The following ACKR2 variants were observed in gnomAD, a reference collection of about 807,000 sequenced individuals.
The protein encoded by ACKR2 is C-C chemokine receptor D6.
For synonymous variants in ACKR2, 207 were observed against 192.2 expected (o/e 1.08, Z -0.64); for missense variants, 457 against 477.3 (o/e 0.96, Z 0.40).
intron 2 of ACKR2, among the ~76,000 whole-genome samples, chr3:42,831,355 C>T (rs1700930002): frequency 6.6e-6 from 1 of 152,232 alleles, no homozygotes; most frequent in Non-Finnish European, 1.5e-5. Context: ...TAATGCCTGC[C>T]TGTTTCAAAT....
chr3:42,830,732 A>G (rs1003804834), intron 2 of ACKR2, among the ~76,000 whole-genome samples: 2 of 151,554 alleles, frequency 1.3e-5, no homozygotes, highest in Non-Finnish European at 2.9e-5. Flanking sequence ...GCTTCAGGCA[A>G]GCATCAGAAA....
chr3:42,817,953 TTGG>T (rs1183050957), intron 1 of ACKR2, among the ~76,000 whole-genome samples: 4 of 152,200 alleles, frequency 2.6e-5, no homozygotes, highest in African/African-American at 9.7e-5. Flanking sequence ...CCCTTAAATA[TTGG>T]TGTGCTCTAG....
At chr3:42,841,762 A>C (rs1701041419) in intron 2 of ACKR2, 1 of 152,284 alleles carries the variant, frequency 6.6e-6, no homozygotes, top group African/African-American at 2.4e-5. Flanking sequence ...TGAATTAAAC[A>C]GGCAAGAAGT....
intron 2 of ACKR2, among the ~76,000 whole-genome samples, chr3:42,820,244 C>G (rs889119632): frequency 6.6e-6 from 1 of 152,082 alleles, no homozygotes; most frequent in African/African-American, 2.4e-5. Flanking sequence ...GATACTTCAC[C>G]CAAATTGGTT....
intron 2 of ACKR2, among the ~76,000 whole-genome samples, chr3:42,847,656 C>T (rs1701111838): frequency 6.7e-6 from 1 of 149,110 alleles, no homozygotes; most frequent in African/African-American, 2.5e-5. Context: ...AGGGCTCTCC[C>T]ATCAAAAACC....
chr3:42,825,734 T>C (rs1259347543), intron 2 of ACKR2, among the ~76,000 whole-genome samples: 1 of 152,002 alleles, frequency 6.6e-6, no homozygotes, highest in African/African-American at 2.4e-5. Flanking sequence ...TGACTAGAAA[T>C]GCCAGTACAA....
At chr3:42,813,047 T>C (rs1411008846) in intron 1 of ACKR2, among the ~76,000 whole-genome samples, 2 of 152,204 alleles carry the variant, frequency 1.3e-5, no homozygotes, top group African/African-American at 2.4e-5. Flanking sequence ...TAGACAGTTA[T>C]GTTAATGTGA....
chr3:42,865,194 C>A lies in ACKR2; in HGVS notation c.692C>A (p.Ser231Tyr). The change falls in exon 3 of 3, where the codon TCC (serine) becomes TAC (tyrosine). Residue 231 changes from serine to tyrosine, a missense_variant. Physicochemically the swap from Ser to Tyr is moderately radical, Grantham distance 144. Coordinates refer to ENST00000422265, the MANE Select transcript of ACKR2 (RefSeq NM_001296.5). ...LPLLAMIFFY[S>Y]RIGCVLVRLR... The stretch of plus-strand genomic sequence containing the variant: ...CTCCTTGCCATGATCTTCTTCTACT[C>A]CCGTATTGGTTGTGTCTTGGTGAGG... The A allele has an allele frequency of 6.2e-7, 1 of 1,614,190 alleles. No individual in the cohort carries two copies. Among genetic ancestry groups the A allele is most frequent in the South Asian group, 1.1e-5 (1 of 91,082 alleles).
Position 42,824,663 on chromosome 3 carries a change from A to G in ACKR2, c.-38+4952A>G, listed in dbSNP as rs1412172831. On this transcript the variant is annotated intron_variant, in intron 2 of 2. Transcript: ENST00000422265. The stretch of plus-strand genomic sequence containing the variant: ...AAGGTTCATCCATGTCATAGCATGT[A>G]TCGATACTTTATTCCTTTTAAATGG... Among the ~76,000 whole-genome samples, 4 of 152,216 alleles carry G rather than the reference A, an allele frequency of 2.6e-5. No homozygotes were observed. In the East Asian group the frequency reaches 7.7e-4, roughly 29 times the overall value.
intron 2 of ACKR2, among the ~76,000 whole-genome samples, chr3:42,831,098 G>A (rs7433284): frequency 0.33 from 50,006 of 151,960 alleles, 9,782 homozygotes; most frequent in East Asian, 0.62. Flanking sequence ...GCCAGATGGA[G>A]CCAGAGATTT....
At chr3:42,830,542 G>T (rs1195722857) in intron 2 of ACKR2, among the ~76,000 whole-genome samples, 1 of 152,114 alleles carries the variant, frequency 6.6e-6, no homozygotes, top group Non-Finnish European at 1.5e-5. Context: ...ACAAGATATG[G>T]AGCAATAGTG....
rs1575373372 is a variant in ACKR2, at chr3:42,816,190, G to A, written c.-118-3441G>A. On this transcript the variant is annotated intron_variant, in intron 1 of 2. Transcript: ENST00000422265. ...ACCTATAAACACAATTGATAGTTTCGTGTGTGTGTGTGTGTGTGTGTGTGT... is the reference window on the plus strand; with the variant it reads ...ACCTATAAACACAATTGATAGTTTCATGTGTGTGTGTGTGTGTGTGTGTGT... Among the ~76,000 whole-genome samples, 3 of 6,814 alleles carry A rather than the reference G, an allele frequency of 4.4e-4. No homozygotes were observed. In the South Asian group the frequency reaches 0.019, roughly 43 times the overall value. The allele number at this position is 6,814 out of a possible 152,430, so 4.5% of individuals were successfully genotyped here.
intron 2 of ACKR2, chr3:42,835,611 A>G (rs957225030): frequency 6.6e-6 from 1 of 151,728 alleles, no homozygotes; most frequent in Non-Finnish European, 1.5e-5. Flanking sequence ...ATCAATTTCA[A>G]CTCCTGATTC....
intron 2 of ACKR2, among the ~76,000 whole-genome samples, chr3:42,826,890 A>G (rs1700871171): frequency 6.6e-6 from 1 of 152,184 alleles, no homozygotes; most frequent in Admixed American, 6.5e-5. Flanking sequence ...TGCTTTTACT[A>G]TGTCCCATAA....
rs1553699124 is a variant in ACKR2 at position 42,816,189 on chromosome 3, C to CAT, written c.-118-3442_-118-3441insAT. On this transcript the variant is annotated intron_variant, in intron 1 of 2. Coordinates refer to ENST00000422265, the MANE Select transcript of ACKR2 (RefSeq NM_001296.5). ...AACCTATAAACACAATTGATAGTTT[C>CAT]GTGTGTGTGTGTGTGTGTGTGTGTG... Among the ~76,000 whole-genome samples the CAT allele has an allele frequency of 3.4e-5, 5 of 145,858 alleles. No homozygotes were observed. In the South Asian group the frequency reaches 6.7e-4, roughly 19 times the overall value.
chr3:42,818,513 G>C (rs989770049), intron 1 of ACKR2, among the ~76,000 whole-genome samples: 7 of 152,196 alleles, frequency 4.6e-5, no homozygotes, highest in Non-Finnish European at 8.8e-5. Flanking sequence ...GTAATGTTGA[G>C]AGGATCATTT....
chr3:42,848,592 T>C (rs893616637), intron 2 of ACKR2, among the ~76,000 whole-genome samples: 1 of 152,100 alleles, frequency 6.6e-6, no homozygotes, highest in Non-Finnish European at 1.5e-5. Context: ...GGAAATAGAA[T>C]ATCACCATTT....
In ACKR2 at chr3:42,865,181, ATCT is replaced by A. The variant is rs749698117; in HGVS notation, c.686_688del (p.Phe229del). ...GTTTCTCCTTCCACTCCTTGCCATGATCTTCTTCTACTCCCGTATTGGTTGTGT... is the reference window on the plus strand; with the variant it reads ...GTTTCTCCTTCCACTCCTTGCCATGATCTTCTACTCCCGTATTGGTTGTGT... On this transcript the variant is annotated inframe_deletion, in exon 3 of 3. Coordinates refer to ENST00000422265, the MANE Select transcript of ACKR2 (RefSeq NM_001296.5). 38 of 1,613,720 alleles carry A rather than the reference ATCT, an allele frequency of 2.4e-5. No individual in the cohort carries two copies. Among genetic ancestry groups the A allele is most frequent in the East Asian group, 6.7e-5 (3 of 44,860 alleles).
chr3:42,832,913 G>T (rs1464270097), intron 2 of ACKR2, among the ~76,000 whole-genome samples: 1 of 151,718 alleles, frequency 6.6e-6, no homozygotes, highest in East Asian at 1.9e-4. Flanking sequence ...GCCCAGGCTG[G>T]AGTACAGTGG....
Sources: allele counts gnomAD v4.1 joint callset (sites outside exome capture counted in the v4.1 genomes callset), GRCh38; gene constraint gnomAD v4.1.1; transcripts MANE v1.5; gene names NCBI Gene and HGNC (gene_info 2026-07-23, HGNC 2026-07-21).